NKX2-4: variants seen among roughly 807,000 people sequenced by gnomAD.
NKX2-4 encodes the protein NK2 homeobox 4.
Under a neutral mutation model 8.6 loss-of-function variants are expected in NKX2-4, and 6 were observed. That is an observed-to-expected ratio of 0.70 (90% CI 0.38 to 1.38). NKX2-4 has a LOEUF of 1.38. Ranked by LOEUF, NKX2-4 falls within the 40% of genes most tolerant of loss-of-function variation. NKX2-4 has a pLI of 0.02. For missense variants in NKX2-4, 601 were observed against 548.4 expected (o/e 1.10, Z -0.96); for synonymous variants, 299 against 272.6 (o/e 1.10, Z -0.95).
chr20:21,397,439 G>A lies in NKX2-4; in HGVS notation c.-40C>T. 1.6e-6 allele frequency: 2 copies of A among 1,285,592 alleles called. No individual in the cohort carries two copies. Among genetic ancestry groups the A allele is most frequent in the Non-Finnish European group, 2.0e-6 (2 of 1,021,020 alleles). The allele number at this position is 1,285,592 out of a possible 1,614,324, so 79.6% of individuals were successfully genotyped here. ...CCAGGTAGGGGGGCCTGGGGCGCGC[G>A]CCGGCAGGACGCGGCGGCCGCTCGT... On this transcript the variant is annotated 5_prime_UTR_variant, in exon 1 of 2. Transcript: ENST00000351817.
At position 21,397,021 on chromosome 20, in the gene NKX2-4, C is replaced by T. The variant is rs1446883555; in HGVS notation, c.379G>A (p.Gly127Ser). The change falls in exon 1 of 2, where the codon GGC becomes AGC. Residue 127 changes from glycine to serine, a missense_variant. By Grantham distance (56) the Gly-to-Ser change is moderately conservative. Coordinates refer to ENST00000351817, the MANE Select transcript of NKX2-4 (RefSeq NM_033176.2). The stretch of plus-strand genomic sequence containing the variant: ...CCGGTGGCCGCGCCGCCCCGCATGC[C>T]GTCCGTGTAGGCGGGCAGCTCGCCC... ...NMGELPAYTD[G>S]MRGGAATGWY... is the part of the protein sequence containing the mutation. The T allele has an allele frequency of 2.0e-6, 3 of 1,467,878 alleles. No individual in the cohort carries two copies. Among genetic ancestry groups the T allele is most frequent in the African/African-American group, 1.5e-5 (1 of 68,868 alleles). 90.9% of individuals were successfully genotyped at this position (1,467,878 alleles called of 1,614,324 possible).
Position 21,396,079 on chromosome 20 carries a change from G to C in NKX2-4, c.897C>G (p.Ala299=), listed in dbSNP as rs1568605745. Reference sequence around the variant, plus strand: ...GCGTCGGGGCCGGCGGCTGCGGACCGGCCTGGCCGGGGGTGGGCGTGCTGG... The same window carrying C: ...GCGTCGGGGCCGGCGGCTGCGGACCCGCCTGGCCGGGGGTGGGCGTGCTGG... ...NGASTPTPGQ[A]GPQPPAPTPA... is the part of the protein sequence containing the mutation. The change falls in exon 2 of 2, where the codon GCC becomes GCG. Residue 299 remains alanine (A), a synonymous_variant. Transcript: ENST00000351817. 2.3e-6 allele frequency: 3 copies of C among 1,313,662 alleles called. No individual in the cohort carries two copies. Among genetic ancestry groups the C allele is most frequent in the Non-Finnish European group, 2.9e-6 (3 of 1,038,862 alleles). The allele number at this position is 1,313,662 out of a possible 1,614,324, so 81.4% of individuals were successfully genotyped here. A position where few individuals can be genotyped will look rare whatever the true frequency, so the allele number is the denominator to read the frequency against.
chr20:21,395,738 C>T lies in NKX2-4; in HGVS notation c.*173G>A. 1 of 467,440 alleles carries T rather than the reference C, an allele frequency of 2.1e-6. No individual in the cohort carries two copies. 29.0% of individuals were successfully genotyped at this position (467,440 alleles called of 1,614,324 possible). ...ACACTACTCGGTTTCCGGGCTGTCGCTGTCCCCCGCCCCCAGCAAGAGGTT... is the reference window on the plus strand; with the variant it reads ...ACACTACTCGGTTTCCGGGCTGTCGTTGTCCCCCGCCCCCAGCAAGAGGTT... On this transcript the variant is annotated 3_prime_UTR_variant, in exon 2 of 2. Transcript: ENST00000351817.
Position 21,396,119 on chromosome 20 carries a change from G to A in NKX2-4, c.857C>T (p.Pro286Leu). 2 of 1,415,656 alleles carry A rather than the reference G, an allele frequency of 1.4e-6. No homozygotes were observed. The allele number at this position is 1,415,656 out of a possible 1,614,324, so 87.7% of individuals were successfully genotyped here. A position where few individuals can be genotyped will look rare whatever the true frequency, so the allele number is the denominator to read the frequency against. Residue 286 changes from proline to leucine, a missense_variant, in exon 2 of 2, where the codon CCG (proline) becomes CTG (leucine). Pro to Leu is a moderately conservative substitution (Grantham distance 98). Coordinates refer to ENST00000351817, the MANE Select transcript of NKX2-4 (RefSeq NM_033176.2). ...AVPVLVKDGK[P>L]CQNGASTPTP... ...GGGCGTGCTGGCGCCGTTCTGGCACGGCTTGCCGTCCTTGACCAGCACAGG... is the reference window on the plus strand; with the variant it reads ...GGGCGTGCTGGCGCCGTTCTGGCACAGCTTGCCGTCCTTGACCAGCACAGG...
Position 21,395,917 on chromosome 20 carries a change from C to A in NKX2-4, c.1059G>T (p.Thr353=). 2 of 1,331,116 alleles carry A rather than the reference C, an allele frequency of 1.5e-6. No individual in the cohort carries two copies. Among genetic ancestry groups the A allele is most frequent in the Non-Finnish European group, 1.9e-6 (2 of 1,038,476 alleles). The allele number at this position is 1,331,116 out of a possible 1,614,324, so 82.5% of individuals were successfully genotyped here. The change falls in exon 2 of 2, where the codon ACG becomes ACT. Residue 353 remains threonine, a synonymous_variant. Transcript: ENST00000351817. The part of the protein sequence containing the change: ...VLGANLLYGR[T]W Reference sequence around the variant, plus strand: ...CCCCGGGGCGCCCTCGCTGTCACCACGTCCTGCCATAGAGCAGGTTGGCGC... The same window carrying A: ...CCCCGGGGCGCCCTCGCTGTCACCAAGTCCTGCCATAGAGCAGGTTGGCGC...
rs781256834 is a variant in NKX2-4 at position 21,397,360 on chromosome 20, A to G, written c.40T>C (p.Ser14Pro). 18 of 1,448,932 alleles carry G rather than the reference A, an allele frequency of 1.2e-5. No individual in the cohort carries two copies. The highest frequency in any genetic ancestry group is 1.5e-5 in the Non-Finnish European group (17 of 1,100,524). 89.8% of individuals were successfully genotyped at this position (1,448,932 alleles called of 1,614,324 possible). ...SPKHTTPFSVSDILSPIEETY... is the reference protein window; with the variant it reads ...SPKHTTPFSVPDILSPIEETY... ...TCCTCGATGGGGCTCAGGATGTCGG[A>G]CACGGAGAAGGGCGTCGTGTGCTTT... The change falls in exon 1 of 2, where the codon TCC becomes CCC. Residue 14 changes from serine (S) to proline (P), a missense_variant. By Grantham distance (74) the Ser-to-Pro change is moderately conservative (BLOSUM62 -1). Transcript: ENST00000351817.
At position 21,396,950 on chromosome 20, in the gene NKX2-4, C is replaced by T. The variant is rs770407770; in HGVS notation, c.442+8G>A. The T allele has an allele frequency of 7.0e-7, 1 of 1,437,016 alleles. No homozygotes were observed. Among genetic ancestry groups the T allele is most frequent in the Non-Finnish European group, 9.1e-7 (1 of 1,095,686 alleles). The allele number at this position is 1,437,016 out of a possible 1,614,324, so 89.0% of individuals were successfully genotyped here. A position where few individuals can be genotyped will look rare whatever the true frequency, so the allele number is the denominator to read the frequency against. ...CGCCCGCAGCCCCGCGCTCCTGGCCCCTCTCACTTGACGAGTAGCGTGGGT... is the reference window on the plus strand; with the variant it reads ...CGCCCGCAGCCCCGCGCTCCTGGCCTCTCTCACTTGACGAGTAGCGTGGGT... On this transcript the variant is annotated splice_region_variant and intron_variant, in intron 1 of 1. Coordinates refer to ENST00000351817, the MANE Select transcript of NKX2-4 (RefSeq NM_033176.2).
rs982574809 is a variant in NKX2-4, at chr20:21,396,518, C to G, written c.458G>C (p.Gly153Ala). Residue 153 changes from glycine (G) to alanine (A), a missense_variant, in exon 2 of 2, where the codon GGG (glycine) becomes GCG (alanine). Gly to Ala is a moderately conservative substitution (Grantham distance 60). Transcript: ENST00000351817. ...GGCCACATTCACGCCCGCCGACGGC[C>G]CCATGAACCTGGAGACTGGGGAAGA... ...PRYSSISRFM[G>A]PSAGVNVAGM... The G allele has an allele frequency of 1.1e-5, 16 of 1,433,036 alleles. No individual in the cohort carries two copies. The highest frequency in any genetic ancestry group is 1.4e-5 in the Non-Finnish European group (15 of 1,108,878). 88.8% of individuals were successfully genotyped at this position (1,433,036 alleles called of 1,614,324 possible). A position where few individuals can be genotyped will look rare whatever the true frequency, so the allele number is the denominator to read the frequency against.
Position 21,395,878 on chromosome 20 carries a change from G to A in NKX2-4, c.*33C>T. 1 of 1,300,072 alleles carries A rather than the reference G, an allele frequency of 7.7e-7. No individual in the cohort carries two copies. Among genetic ancestry groups the A allele is most frequent in the Non-Finnish European group, 9.8e-7 (1 of 1,021,710 alleles). 80.5% of individuals were successfully genotyped at this position (1,300,072 alleles called of 1,614,324 possible). A position where few individuals can be genotyped will look rare whatever the true frequency, so the allele number is the denominator to read the frequency against. ...GCAGTTTCTTGCAGACCCTTCGGGT[G>A]CACCAGGACCTAGCCCCGGGGCGCC... On this transcript the variant is annotated 3_prime_UTR_variant, in exon 2 of 2. Transcript: ENST00000351817.
Position 21,397,375 on chromosome 20 carries a change from T to A in NKX2-4, c.25A>T (p.Thr9Ser), listed in dbSNP as rs748885111. Residue 9 changes from threonine (T) to serine (S), a missense_variant, in exon 1 of 2, where the codon ACG (threonine) becomes TCG (serine). By Grantham distance (58) the Thr-to-Ser change is moderately conservative (BLOSUM62 1). Coordinates refer to ENST00000351817, the MANE Select transcript of NKX2-4 (RefSeq NM_033176.2). MSLSPKHT[T>S]PFSVSDILSP... ...AGGATGTCGGACACGGAGAAGGGCG[T>A]CGTGTGCTTTGGGCTCAACGACATG... 1 of 1,441,010 alleles carries A rather than the reference T, an allele frequency of 6.9e-7. No individual in the cohort carries two copies. Among genetic ancestry groups the A allele is most frequent in the Non-Finnish European group, 9.1e-7 (1 of 1,096,140 alleles). The allele number at this position is 1,441,010 out of a possible 1,614,324, so 89.3% of individuals were successfully genotyped here.
In NKX2-4 at chr20:21,395,974, C is replaced by T; in HGVS notation, c.1002G>A (p.Ala334=). 1 of 1,312,662 alleles carries T rather than the reference C, an allele frequency of 7.6e-7. No individual in the cohort carries two copies. The allele number at this position is 1,312,662 out of a possible 1,614,324, so 81.3% of individuals were successfully genotyped here. A position where few individuals can be genotyped will look rare whatever the true frequency, so the allele number is the denominator to read the frequency against. Reference sequence around the variant, plus strand: ...CGCCGCCGCTGTACTCCCCGGCGGCCGCGTCCAGGGCCGCCAGGCCGCCCC... The same window carrying T: ...CGCCGCCGCTGTACTCCCCGGCGGCTGCGTCCAGGGCCGCCAGGCCGCCCC... ...GPGGGLAALD[A]AAGEYSGGVL... The change falls in exon 2 of 2, where the codon GCG becomes GCA. Residue 334 remains alanine (A), a synonymous_variant. Transcript: ENST00000351817.
At chr20:21,396,573 G>C in intron 1 of NKX2-4, 40 bp from the exon 2 acceptor site, 1 of 1,360,134 alleles carries the variant, frequency 7.4e-7, no homozygotes, top group East Asian at 3.1e-5. Context: ...GTGAGCTCCA[G>C]GCCCGCCGGG....
chr20:21,396,577 C>T (rs1039875551), intron 1 of NKX2-4, 44 bp from the exon 2 acceptor site: 47 of 1,346,814 alleles, frequency 3.5e-5, no homozygotes, highest in Non-Finnish European at 4.1e-5. Flanking sequence ...GCTCCAGGCC[C>T]GCCGGGAGCC....
chr20:21,397,298 C>A lies in NKX2-4; in HGVS notation c.102G>T (p.Ala34=). The A allele has an allele frequency of 2.3e-6, 3 of 1,315,106 alleles. No individual in the cohort carries two copies. Among genetic ancestry groups the A allele is most frequent in the Non-Finnish European group, 1.9e-6 (2 of 1,036,134 alleles). The allele number at this position is 1,315,106 out of a possible 1,614,324, so 81.5% of individuals were successfully genotyped here. A position where few individuals can be genotyped will look rare whatever the true frequency, so the allele number is the denominator to read the frequency against. Residue 34 remains alanine, a synonymous_variant, in exon 1 of 2, where the codon GCG becomes GCT. Coordinates refer to ENST00000351817, the MANE Select transcript of NKX2-4 (RefSeq NM_033176.2). ...YKKFSGAMDG[A]PPGLGAPLGA... Reference sequence around the variant, plus strand: ...CCAGGGGCGCCCCCAGGCCGGGTGGCGCGCCGTCCATGGCGCCGCTGAACT... The same window carrying A: ...CCAGGGGCGCCCCCAGGCCGGGTGGAGCGCCGTCCATGGCGCCGCTGAACT...
In NKX2-4 at chr20:21,395,553, G is replaced by A. The variant is rs1015957750; in HGVS notation, c.*358C>T. ...AATTCCACTTCAAAAAGGACTGATTGTTAAAGCTGGGTTGATTTTTATAGT... is the reference window on the plus strand; with the variant it reads ...AATTCCACTTCAAAAAGGACTGATTATTAAAGCTGGGTTGATTTTTATAGT... On this transcript the variant is annotated 3_prime_UTR_variant, in exon 2 of 2. Coordinates refer to ENST00000351817, the MANE Select transcript of NKX2-4 (RefSeq NM_033176.2). The A allele has an allele frequency of 1.2e-5, 2 of 171,194 alleles. No individual in the cohort carries two copies. Among genetic ancestry groups the A allele is most frequent in the Non-Finnish European group, 2.5e-5 (2 of 80,954 alleles). The allele number at this position is 171,194 out of a possible 1,614,324, so 10.6% of individuals were successfully genotyped here.
chr20:21,396,574 G>A (rs910125301), intron 1 of NKX2-4, 41 bp from the exon 2 acceptor site: 254 of 1,358,996 alleles, frequency 1.9e-4, no homozygotes, highest in Non-Finnish European at 2.3e-4. Flanking sequence ...TGAGCTCCAG[G>A]CCCGCCGGGA....
At position 21,396,103 on chromosome 20, in the gene NKX2-4, G is replaced by A. The variant is rs2122397278; in HGVS notation, c.873C>T (p.Ala291=). The A allele has an allele frequency of 2.2e-6, 3 of 1,382,398 alleles. No individual in the cohort carries two copies. In the East Asian group the frequency reaches 9.4e-5, roughly 43 times the overall value. 85.6% of individuals were successfully genotyped at this position (1,382,398 alleles called of 1,614,324 possible). A position where few individuals can be genotyped will look rare whatever the true frequency, so the allele number is the denominator to read the frequency against. ...VKDGKPCQNG[A]STPTPGQAGP... ...CGGCCTGGCCGGGGGTGGGCGTGCT[G>A]GCGCCGTTCTGGCACGGCTTGCCGT... is the stretch of plus-strand genomic sequence containing the variant. The change falls in exon 2 of 2, where the codon GCC becomes GCT. Residue 291 remains alanine, a synonymous_variant. Transcript: ENST00000351817.
In NKX2-4 at chr20:21,395,816, G is replaced by T; in HGVS notation, c.*95C>A. 9.3e-7 allele frequency: 1 copy of T among 1,080,256 alleles called. No homozygotes were observed. The highest frequency in any genetic ancestry group is 1.2e-6 in the Non-Finnish European group (1 of 829,436). 66.9% of individuals were successfully genotyped at this position (1,080,256 alleles called of 1,614,324 possible). A position where few individuals can be genotyped will look rare whatever the true frequency, so the allele number is the denominator to read the frequency against. ...TCGTTTTGAATCGCAGTTTACACGCGCGAGTCGGTTTTCGCATGCCTCCCC... is the reference window on the plus strand; with the variant it reads ...TCGTTTTGAATCGCAGTTTACACGCTCGAGTCGGTTTTCGCATGCCTCCCC... On this transcript the variant is annotated 3_prime_UTR_variant, in exon 2 of 2. Transcript: ENST00000351817.
Position 21,395,866 on chromosome 20 carries a change from G to T in NKX2-4, c.*45C>A. On this transcript the variant is annotated 3_prime_UTR_variant, in exon 2 of 2. Coordinates refer to ENST00000351817, the MANE Select transcript of NKX2-4 (RefSeq NM_033176.2). Reference sequence around the variant, plus strand: ...CCATCCGTTCTAGCAGTTTCTTGCAGACCCTTCGGGTGCACCAGGACCTAG... The same window carrying T: ...CCATCCGTTCTAGCAGTTTCTTGCATACCCTTCGGGTGCACCAGGACCTAG... 1 of 1,290,308 alleles carries T rather than the reference G, an allele frequency of 7.8e-7. No homozygotes were observed. The highest frequency in any genetic ancestry group is 9.8e-7 in the Non-Finnish European group (1 of 1,015,362). The allele number at this position is 1,290,308 out of a possible 1,614,324, so 79.9% of individuals were successfully genotyped here. A position where few individuals can be genotyped will look rare whatever the true frequency, so the allele number is the denominator to read the frequency against.
Sources: gnomAD v4.1 joint callset for allele counts on GRCh38, gnomAD v4.1.1 for gene constraint, MANE v1.5 for transcripts, NCBI Gene and HGNC (gene_info 2026-07-23, HGNC 2026-07-21) for gene names.